The following KCNIP4 variants were observed in gnomAD, a reference collection of about 807,000 sequenced individuals.
The protein encoded by KCNIP4 is potassium voltage-gated channel interacting protein 4, also known as Kv channel-interacting protein 4.
A neutral mutation model predicts 34.0 loss-of-function variants in KCNIP4; 12 were observed. That is an observed-to-expected ratio of 0.35 (90% CI 0.23 to 0.57). KCNIP4 has a LOEUF of 0.57. Ranked by LOEUF, KCNIP4 falls within the 20% of genes least tolerant of loss-of-function variation. The pLI is 0.83. For missense variants in KCNIP4, 238 were observed against 311.7 expected, an observed-to-expected ratio of 0.76 and a Z score of 1.78; for synonymous variants, 124 against 102.2, an observed-to-expected ratio of 1.21 and a Z score of -1.29.
At chr4:21,727,445 C>T (rs1715276608) in intron 1 of KCNIP4, among the ~76,000 whole-genome samples, 2 of 152,094 alleles carry the variant, frequency 1.3e-5, no homozygotes, top group African/African-American at 2.4e-5. Flanking sequence ...GCCTCCAGAA[C>T]CATAAGGAGT....
At chr4:21,291,916 AAAGAAAGAAAGAAAGAAAG>A in intron 1 of KCNIP4, among the ~76,000 whole-genome samples, 5 of 92,678 alleles carry the variant, frequency 5.4e-5, no homozygotes, top group South Asian at 3.7e-4. Flanking sequence ...AGAAAGAAAG[AAAGAAAGAAAGAAAGAAAG>A]AAAAAAAAAG....
chr4:21,831,663 CAAAAAAAAA>C (rs141374886), intron 1 of KCNIP4, among the ~76,000 whole-genome samples: 1 of 73,232 alleles, frequency 1.4e-5, no homozygotes, highest in African/African-American at 5.8e-5. Context: ...CATTTTTCAT[CAAAAAAAAA>C]AAAAAAAAAA....
chr4:21,203,826 G>T (rs1350001267), intron 1 of KCNIP4, among the ~76,000 whole-genome samples: 2 of 152,196 alleles, frequency 1.3e-5, no homozygotes, highest in African/African-American at 2.4e-5. Context: ...GGAAGTCAGA[G>T]GTGGTGGACT....
At chr4:21,482,137 G>T (rs1010380015) in intron 1 of KCNIP4, among the ~76,000 whole-genome samples, 3 of 74,188 alleles carry the variant, frequency 4.0e-5, no homozygotes, top group Admixed American at 1.1e-4. Flanking sequence ...TGCAACCCCT[G>T]CCTTTTTTTT....
chr4:21,658,366 G>A (rs1390086590), intron 1 of KCNIP4, among the ~76,000 whole-genome samples: 2 of 152,090 alleles, frequency 1.3e-5, no homozygotes, highest in Non-Finnish European at 2.9e-5. Context: ...TAAAGTTCCA[G>A]CCTGTGAAGA....
chr4:21,355,048 A>T lies in KCNIP4; in HGVS notation c.62-472339T>A, dbSNP rs377322435. 2.0e-5 allele frequency among the ~76,000 whole-genome samples: 3 copies of T among 152,190 alleles called. No individual in the cohort carries two copies. In the East Asian group the frequency reaches 5.8e-4, roughly 29 times the overall value. On this transcript the variant is annotated intron_variant, in intron 1 of 8. Coordinates refer to ENST00000382152, the MANE Select transcript of KCNIP4 (RefSeq NM_025221.6). ...CTGAACAACCTGCTCCTGAATGACG[A>T]CTACTGGGTAAATAACAAAATGAAG...
At chr4:21,737,359 C>A (rs767168074) in intron 1 of KCNIP4, among the ~76,000 whole-genome samples, 35 of 151,722 alleles carry the variant, frequency 2.3e-4, no homozygotes, top group Admixed American at 5.9e-4. Context: ...AATACTCTTT[C>A]TGGGTTTTTT....
At chr4:21,338,470 A>T (rs1471036416) in intron 1 of KCNIP4, among the ~76,000 whole-genome samples, 2 of 148,604 alleles carry the variant, frequency 1.3e-5, no homozygotes, top group African/African-American at 2.5e-5. Flanking sequence ...AGCCAGGCAT[A>T]CTGGCATGTT....
At chr4:21,344,093 G>A (rs1449601213) in intron 1 of KCNIP4, among the ~76,000 whole-genome samples, 1 of 152,136 alleles carries the variant, frequency 6.6e-6, no homozygotes, top group Non-Finnish European at 1.5e-5. Flanking sequence ...ATACAGTTAT[G>A]TGCACAAGAC....
At chr4:21,657,520 T>C (rs912783588) in intron 1 of KCNIP4, among the ~76,000 whole-genome samples, 23 of 152,238 alleles carry the variant, frequency 1.5e-4, no homozygotes, top group African/African-American at 5.1e-4. Flanking sequence ...GAAGTCATAA[T>C]AGGCACTGAG....
chr4:21,087,145 A>AGTGTGTGTGTGTGT (rs753858012), intron 1 of KCNIP4, among the ~76,000 whole-genome samples: 2 of 70,260 alleles, frequency 2.8e-5, no homozygotes, highest in Non-Finnish European at 6.2e-5. Flanking sequence ...ACTGCTGGGT[A>AGTGTGTGTGTGTGT]ATGTGTGTGT....
intron 1 of KCNIP4, among the ~76,000 whole-genome samples, chr4:21,865,878 A>G (rs1420633122): frequency 1.3e-5 from 2 of 151,716 alleles, no homozygotes; most frequent in East Asian, 3.9e-4. Context: ...TAAAACAACT[A>G]GAAAGGTTTC....
intron 1 of KCNIP4, among the ~76,000 whole-genome samples, chr4:20,939,187 C>T (rs1356679790): frequency 6.6e-6 from 1 of 151,934 alleles, no homozygotes; most frequent in Non-Finnish European, 1.5e-5. Flanking sequence ...AGATTTGATT[C>T]ATTATATCAT....
chr4:21,220,437 G>A (rs7679871), intron 1 of KCNIP4, among the ~76,000 whole-genome samples: 71,264 of 151,712 alleles, frequency 0.47, 17,991 homozygotes, highest in African/African-American at 0.67. Flanking sequence ...GAGGGATAGC[G>A]TTAGGAGATA....
chr4:21,884,621 G>T (rs1726655265), intron 1 of KCNIP4, among the ~76,000 whole-genome samples: 1 of 152,088 alleles, frequency 6.6e-6, no homozygotes, highest in South Asian at 2.1e-4. Context: ...GAGAAAAAAA[G>T]AGGAAAGAAA....
At chr4:21,779,705 C>T (rs933092267) in intron 1 of KCNIP4, among the ~76,000 whole-genome samples, 5 of 152,100 alleles carry the variant, frequency 3.3e-5, no homozygotes, top group African/African-American at 1.2e-4. Context: ...GAGTTCCAGA[C>T]CAGCCTGGGT....
chr4:21,074,822 A>T (rs1006099169), intron 1 of KCNIP4, among the ~76,000 whole-genome samples: 5 of 152,128 alleles, frequency 3.3e-5, no homozygotes, highest in Admixed American at 3.3e-4. Flanking sequence ...TGTCCCAGAG[A>T]TACTGCTATG....
intron 1 of KCNIP4, among the ~76,000 whole-genome samples, chr4:21,803,383 C>T (rs1264630197): frequency 6.6e-6 from 1 of 152,152 alleles, no homozygotes; most frequent in African/African-American, 2.4e-5. Flanking sequence ...GCCAGTCTTC[C>T]CACATCCAAC....
At chr4:21,440,408 T>C (rs1727356716) in intron 1 of KCNIP4, among the ~76,000 whole-genome samples, 1 of 152,226 alleles carries the variant, frequency 6.6e-6, no homozygotes, top group Non-Finnish European at 1.5e-5. Context: ...ATTGGAAGAT[T>C]GTTTTTCTAA....
Sources: allele counts gnomAD v4.1 joint callset (sites outside exome capture counted in the v4.1 genomes callset), GRCh38; gene constraint gnomAD v4.1.1; transcripts MANE v1.5; gene names NCBI Gene and HGNC (gene_info 2026-07-23, HGNC 2026-07-21).